The following CSMD1 variants were observed in gnomAD, a reference collection of about 807,000 sequenced individuals.
CSMD1 encodes CUB and sushi domain-containing protein 1.
In CSMD1, 213 loss-of-function variants were observed where a neutral mutation model predicts 417.5. The ratio of observed to expected loss-of-function variants is 0.51; its 90% confidence interval spans 0.46 to 0.57. The LOEUF is 0.57. Ranked by LOEUF, CSMD1 falls within the 20% of genes least tolerant of loss-of-function variation. The pLI is 0.00. For missense variants in CSMD1, 6,923 were observed against 4,529.7 expected (o/e 1.53, Z -15.17); for synonymous variants, 2,862 against 1,736.8 (o/e 1.65, Z -16.11).
chr8:3,724,506 T>C (rs1437073456), intron 6 of CSMD1, among the ~76,000 whole-genome samples: 1 of 151,902 alleles, frequency 6.6e-6, no homozygotes, highest in African/African-American at 2.4e-5. Context: ...AAAATGAAGC[T>C]GTTTGGGATT....
At chr8:3,296,600 T>C (rs758994826) in intron 25 of CSMD1, among the ~76,000 whole-genome samples, 2 of 152,140 alleles carry the variant, frequency 1.3e-5, no homozygotes, top group African/African-American at 2.4e-5. Context: ...TGTCAACGTT[T>C]TGAGTAATCC....
chr8:4,316,171 G>A (rs182711654), intron 3 of CSMD1, among the ~76,000 whole-genome samples: 2 of 152,204 alleles, frequency 1.3e-5, no homozygotes, highest in South Asian at 2.1e-4. Context: ...CAATTATGTA[G>A]ATTAGCTAAA....
At chr8:3,346,619 G>T (rs957112839) in intron 22 of CSMD1, among the ~76,000 whole-genome samples, 1 of 152,188 alleles carries the variant, frequency 6.6e-6, no homozygotes, top group Non-Finnish European at 1.5e-5. Flanking sequence ...GAGGAAGTAA[G>T]GCCCTTTAAT....
At chr8:4,517,073 G>T (rs752483152) in intron 2 of CSMD1, among the ~76,000 whole-genome samples, 9 of 152,172 alleles carry the variant, frequency 5.9e-5, no homozygotes, top group Admixed American at 1.3e-4. Context: ...TACTGTGAAT[G>T]CAGAAATTTA....
At chr8:4,101,325 G>T (rs964500192) in intron 3 of CSMD1, among the ~76,000 whole-genome samples, 3 of 152,152 alleles carry the variant, frequency 2.0e-5, no homozygotes, top group Non-Finnish European at 4.4e-5. Context: ...GCTGTGGAAG[G>T]AAAGACAGTG....
intron 5 of CSMD1, among the ~76,000 whole-genome samples, chr8:3,926,053 T>TACACACACACACACACAAACACCAC (rs1563218050): frequency 2.3e-4 from 20 of 87,808 alleles, no homozygotes; most frequent in East Asian, 6.1e-4. Context: ...AAACACCATA[T>TACACACACACACACACAAACACCAC]ACACACACAC....
intron 54 of CSMD1, among the ~76,000 whole-genome samples, chr8:2,988,190 CT>C (rs1424871103): frequency 6.6e-6 from 1 of 152,030 alleles, no homozygotes; most frequent in African/African-American, 2.4e-5. Flanking sequence ...CATAATGATT[CT>C]TTAGTGAAGT....
At chr8:4,743,869 C>T (rs952849992) in intron 1 of CSMD1, among the ~76,000 whole-genome samples, 1 of 152,162 alleles carries the variant, frequency 6.6e-6, no homozygotes. Flanking sequence ...TCCGTTCCCA[C>T]TCAAGTTCTA....
chr8:4,776,678 A>T (rs1796869481), intron 1 of CSMD1, among the ~76,000 whole-genome samples: 1 of 152,224 alleles, frequency 6.6e-6, no homozygotes, highest in Non-Finnish European at 1.5e-5. Context: ...ATTCTTTACC[A>T]CAGGGAGACA....
chr8:3,440,640 T>G (rs1356493606), intron 12 of CSMD1, among the ~76,000 whole-genome samples: 1 of 152,222 alleles, frequency 6.6e-6, no homozygotes, highest in African/African-American at 2.4e-5. Context: ...GCCCTGTTTC[T>G]CTTATCCTTG....
intron 3 of CSMD1, among the ~76,000 whole-genome samples, chr8:4,398,391 T>C (rs937147892): frequency 7.1e-5 from 10 of 139,968 alleles, no homozygotes; most frequent in Non-Finnish European, 1.6e-4. Flanking sequence ...GCAACTTCTT[T>C]TTTTTTTTTT....
chr8:3,679,611 C>T (rs1208588312), intron 7 of CSMD1, among the ~76,000 whole-genome samples: 2 of 152,116 alleles, frequency 1.3e-5, no homozygotes, highest in Non-Finnish European at 2.9e-5. Context: ...CCACTGTCAA[C>T]ATCAGACAGA....
chr8:4,863,322 T>C (rs377250431), intron 1 of CSMD1, among the ~76,000 whole-genome samples: 3 of 152,190 alleles, frequency 2.0e-5, no homozygotes, highest in South Asian at 2.1e-4. Context: ...ATGGCAGTTA[T>C]TGTCATATTA....
At chr8:4,622,303 G>A (rs1475131988) in intron 2 of CSMD1, among the ~76,000 whole-genome samples, 1 of 152,054 alleles carries the variant, frequency 6.6e-6, no homozygotes, top group African/African-American at 2.4e-5. Context: ...TGAGGAGGGA[G>A]GATTTAGTGG....
intron 3 of CSMD1, among the ~76,000 whole-genome samples, chr8:4,071,701 G>C (rs766906097): frequency 1.3e-5 from 2 of 152,094 alleles, no homozygotes; most frequent in East Asian, 3.9e-4. Flanking sequence ...TATTTTTGGA[G>C]ATTTTAGACT....
intron 1 of CSMD1, among the ~76,000 whole-genome samples, chr8:4,655,053 A>C (rs1167003964): frequency 4.0e-5 from 6 of 150,724 alleles, no homozygotes; most frequent in Non-Finnish European, 4.4e-5. Context: ...AAAAAAGCTT[A>C]AATCTTTGTA....
chr8:4,985,809 C>T (rs1811149218), intron 1 of CSMD1, among the ~76,000 whole-genome samples: 1 of 152,042 alleles, frequency 6.6e-6, no homozygotes, highest in South Asian at 2.1e-4. Flanking sequence ...AACCATAAGA[C>T]AAAAACAAAA....
At chr8:4,421,944 G>C (rs180704177) in intron 2 of CSMD1, among the ~76,000 whole-genome samples, 11 of 152,028 alleles carry the variant, frequency 7.2e-5, no homozygotes, top group Non-Finnish European at 1.5e-4. Flanking sequence ...GGTACAAAGA[G>C]TCACTGTCAT....
chr8:3,658,907 T>C (rs1451370780), intron 7 of CSMD1, among the ~76,000 whole-genome samples: 1 of 152,252 alleles, frequency 6.6e-6, no homozygotes, highest in African/African-American at 2.4e-5. Context: ...TTTCAATTAA[T>C]AATTCCATTC....
Sources: allele counts gnomAD v4.1 joint callset (sites outside exome capture counted in the v4.1 genomes callset), GRCh38; gene constraint gnomAD v4.1.1; transcripts MANE v1.5; gene names NCBI Gene and HGNC (gene_info 2026-07-23, HGNC 2026-07-21).